AP4M1: variants seen among roughly 807,000 people sequenced by gnomAD.
AP4M1 encodes AP-4 complex subunit mu-1.
In AP4M1, 58 loss-of-function variants were observed where a neutral mutation model predicts 62.4. The observed-to-expected ratio is 0.93, with a 90% CI of 0.75 to 1.16. The LOEUF is 1.16. AP4M1 is among the 50% of genes most tolerant of loss of function. The pLI, the probability that AP4M1 is intolerant of heterozygous loss-of-function variation, is 0.00. For missense variants in AP4M1, 626 were observed against 585.4 expected, an observed-to-expected ratio of 1.07 and a Z score of -0.72; for synonymous variants, 290 against 239.7, an observed-to-expected ratio of 1.21 and a Z score of -1.94.
At position 100,107,290 on chromosome 7, in the gene AP4M1, T is replaced by G. The variant is rs1796615268; in HGVS notation, c.*408T>G. ...GAGCCGGAGTTGGGCTGGGAGCCATTGGCTTTTGGAGTCCCTGGAGCTGGA... is the reference window on the plus strand; with the variant it reads ...GAGCCGGAGTTGGGCTGGGAGCCATGGGCTTTTGGAGTCCCTGGAGCTGGA... On this transcript the variant is annotated 3_prime_UTR_variant, in exon 15 of 15. Coordinates refer to ENST00000359593, the MANE Select transcript of AP4M1 (RefSeq NM_004722.4). 6.6e-7 allele frequency: 1 copy of G among 1,524,088 alleles called. No individual in the cohort carries two copies. The highest frequency in any genetic ancestry group is 1.4e-5 in the African/African-American group (1 of 71,802). The allele number at this position is 1,524,088 out of a possible 1,614,324, so 94.4% of individuals were successfully genotyped here.
Position 100,108,421 on chromosome 7 carries a change from G to T in AP4M1, c.*1539G>T. Reference sequence around the variant, plus strand: ...CCTGCTGAGCCTGCAGAGCAGCCTGGGCCCGAGCCTTGACCACCTGGGAGC... The same window carrying T: ...CCTGCTGAGCCTGCAGAGCAGCCTGTGCCCGAGCCTTGACCACCTGGGAGC... On this transcript the variant is annotated 3_prime_UTR_variant, in exon 15 of 15. Coordinates refer to ENST00000359593, the MANE Select transcript of AP4M1 (RefSeq NM_004722.4). 6.2e-7 allele frequency: 1 copy of T among 1,613,804 alleles called. No individual in the cohort carries two copies. The highest frequency in any genetic ancestry group is 8.5e-7 in the Non-Finnish European group (1 of 1,179,772).
At position 100,107,237 on chromosome 7, in the gene AP4M1, GGT is replaced by G; in HGVS notation, c.*357_*358del. On this transcript the variant is annotated 3_prime_UTR_variant, in exon 15 of 15. Transcript: ENST00000359593. ...ATGTGTGGGAATCCGGGGGCTGGCAGGTGGAGCATCACGGAGCAGGCTGAGGG... is the reference window on the plus strand; with the variant it reads ...ATGTGTGGGAATCCGGGGGCTGGCAGGGAGCATCACGGAGCAGGCTGAGGG... 1 of 1,521,628 alleles carries G rather than the reference GGT, an allele frequency of 6.6e-7. No individual in the cohort carries two copies. The highest frequency in any genetic ancestry group is 8.8e-7 in the Non-Finnish European group (1 of 1,138,120). The allele number at this position is 1,521,628 out of a possible 1,614,324, so 94.3% of individuals were successfully genotyped here. A position where few individuals can be genotyped will look rare whatever the true frequency, so the allele number is the denominator to read the frequency against.
intron 6 of AP4M1, among the ~76,000 whole-genome samples, 160 bp from the exon 7 acceptor site, chr7:100,103,932 C>T (rs945462910): frequency 1.3e-5 from 2 of 151,286 alleles, no homozygotes; most frequent in Admixed American, 6.6e-5. Flanking sequence ...ACATCTCCCA[C>T]CCCCCCAGAT....
At chr7:100,101,150 T>C, upstream of AP4M1, 1 of 1,354,100 alleles carries the variant, frequency 7.4e-7, no homozygotes, top group Admixed American at 1.8e-5. Flanking sequence ...GCCTCTGGCC[T>C]CGCGCACCCC....
At chr7:100,102,988 C>T (rs372547688) in intron 4 of AP4M1, 28 bp downstream of exon 4, 1 of 1,591,946 alleles carries the variant, frequency 6.3e-7, no homozygotes, top group Non-Finnish European at 8.6e-7. Flanking sequence ...CCTTCTGTGG[C>T]CCCTACCCAA....
At chr7:100,101,325 C>G, upstream of AP4M1, 1 of 1,612,832 alleles carries the variant, frequency 6.2e-7, no homozygotes, top group Non-Finnish European at 8.5e-7. Flanking sequence ...CCGCGCTTGG[C>G]GGGCTCAGAG....
intron 7 of AP4M1, 97 bp downstream of exon 7, chr7:100,104,251 C>G: frequency 9.5e-7 from 1 of 1,051,936 alleles, no homozygotes; most frequent in South Asian, 1.3e-5. Context: ...GGCACAGTGG[C>G]TCATGCTTGT....
rs762200720 is a variant in AP4M1, at chr7:100,102,726, G to T, written c.199G>T (p.Val67Leu). 6.2e-7 allele frequency: 1 copy of T among 1,614,122 alleles called. No homozygotes were observed. The highest frequency in any genetic ancestry group is 8.5e-7 in the Non-Finnish European group (1 of 1,180,038). The stretch of plus-strand genomic sequence containing the variant: ...CATCAGACACAGCGGCCTCTATTTG[G>T]TGGTCACAACTTCAGAAAACGTTTC... ...IHIRHSGLYL[V>L]VTTSENVSPF... Residue 67 changes from valine to leucine, a missense_variant, in exon 3 of 15, where the codon GTG becomes TTG. Transcript: ENST00000359593.
upstream of AP4M1, chr7:100,101,080 G>A: frequency 2.7e-6 from 2 of 749,490 alleles, no homozygotes; most frequent in East Asian, 2.8e-5. Flanking sequence ...CTTCAACATC[G>A]ATGGCCCCCC....
chr7:100,108,578 G>T lies in AP4M1; in HGVS notation c.*1696G>T. The T allele has an allele frequency of 6.4e-7, 1 of 1,559,846 alleles. No individual in the cohort carries two copies. ...AAAAAAGCCAGGTAGAGGGAGGGCT[G>T]GGGAAAAAAGCCAGGTAGAGGGAGG... On this transcript the variant is annotated 3_prime_UTR_variant, in exon 15 of 15. Transcript: ENST00000359593.
intron 7 of AP4M1, 56 bp downstream of exon 7, chr7:100,104,210 G>C: frequency 6.6e-7 from 1 of 1,514,474 alleles, no homozygotes; most frequent in Non-Finnish European, 9.2e-7. Flanking sequence ...GGGAAACATG[G>C]TGGGGTGGCT....
In AP4M1 at chr7:100,103,941, A is replaced by T. The variant is rs1584511658; in HGVS notation, c.544-151A>T. 3.2e-5 allele frequency: 24 copies of T among 747,966 alleles called. No individual in the cohort carries two copies. The East Asian group carries it at 6.7e-4, about 21-fold the overall frequency. 46.3% of individuals were successfully genotyped at this position (747,966 alleles called of 1,614,324 possible). On this transcript the variant is annotated intron_variant, in intron 6 of 14. Transcript: ENST00000359593. ...CTTGGCACATCTCCCACCCCCCCAG[A>T]TGTGGGTGGAGGTGGGAGATGATCC... is the stretch of plus-strand genomic sequence containing the variant.
At chr7:100,101,436 C>G (rs991682999), upstream of AP4M1, 3 of 1,150,306 alleles carry the variant, frequency 2.6e-6, no homozygotes, top group African/African-American at 4.5e-5. Context: ...GGCGCCACTG[C>G]GTGCGGGCCA....
In AP4M1 at chr7:100,108,042, C is replaced by T. The variant is rs374442273; in HGVS notation, c.*1160C>T. ...GACACCAGTGTCTGGACAGGAAGTG[C>T]GATGGAGCCAGGAACCTTCAGCAAG... On this transcript the variant is annotated 3_prime_UTR_variant, in exon 15 of 15. Coordinates refer to ENST00000359593, the MANE Select transcript of AP4M1 (RefSeq NM_004722.4). 38 of 1,613,342 alleles carry T rather than the reference C, an allele frequency of 2.4e-5. No individual in the cohort carries two copies. The highest frequency in any genetic ancestry group is 1.1e-4 in the African/African-American group (8 of 74,882).
Position 100,106,813 on chromosome 7 carries a change from C to A in AP4M1, c.1293C>A (p.Cys431Ter). ...TCCTCAGGCTGGCCTTCAGGCCATG[C>A]GGCAATGCCAACCCCCACAAGTGGG... ...VRFLRLAFRP[C>*]GNANPHKWVR... is the part of the protein sequence containing the mutation. The change falls in exon 15 of 15, where the codon TGC (cysteine) becomes TGA (stop). Residue 431 changes from cysteine to a stop codon, truncating the protein, a stop_gained. Coordinates refer to ENST00000359593, the MANE Select transcript of AP4M1 (RefSeq NM_004722.4). LOFTEE classifies it high-confidence loss of function. The A allele has an allele frequency of 6.2e-7, 1 of 1,614,032 alleles. No individual in the cohort carries two copies. Among genetic ancestry groups the A allele is most frequent in the Non-Finnish European group, 8.5e-7 (1 of 1,180,048 alleles).
In AP4M1 at chr7:100,108,300, A is replaced by T. The variant is rs1796777509; in HGVS notation, c.*1418A>T. ...CTGAGGGCACATGTGGCTGTGTGCA[A>T]GTGCCTGTCCCACACAGGGGTTCTC... On this transcript the variant is annotated 3_prime_UTR_variant, in exon 15 of 15. Transcript: ENST00000359593. 1 of 1,527,458 alleles carries T rather than the reference A, an allele frequency of 6.5e-7. No individual in the cohort carries two copies. The highest frequency in any genetic ancestry group is 2.3e-5 in the East Asian group (1 of 43,764). 94.6% of individuals were successfully genotyped at this position (1,527,458 alleles called of 1,614,324 possible). A position where few individuals can be genotyped will look rare whatever the true frequency, so the allele number is the denominator to read the frequency against.
upstream of AP4M1, chr7:100,101,345 C>T (rs1796017893): frequency 3.7e-6 from 6 of 1,610,840 alleles, no homozygotes; most frequent in Non-Finnish European, 4.2e-6. Flanking sequence ...GGTCTTGCTC[C>T]TGGGGAAGCT....
In AP4M1 at chr7:100,107,347, C is replaced by T. The variant is rs199843455; in HGVS notation, c.*465C>T. ...CTGTCCCCAGCCTCCTGCTTCCCCC[C>T]ACAAAGGGCACTGCCGCTGAGTGGG... On this transcript the variant is annotated 3_prime_UTR_variant, in exon 15 of 15. Transcript: ENST00000359593. 14 of 1,553,050 alleles carry T rather than the reference C, an allele frequency of 9.0e-6. No individual in the cohort carries two copies. Among genetic ancestry groups the T allele is most frequent in the South Asian group, 4.9e-5 (4 of 81,908 alleles).
rs902314916 is a variant in AP4M1 at position 100,107,180 on chromosome 7, A to G, written c.*298A>G. 6.6e-6 allele frequency: 10 copies of G among 1,517,950 alleles called. No individual in the cohort carries two copies. Among genetic ancestry groups the G allele is most frequent in the Non-Finnish European group, 8.8e-6 (10 of 1,135,700 alleles). The allele number at this position is 1,517,950 out of a possible 1,614,324, so 94.0% of individuals were successfully genotyped here. A position where few individuals can be genotyped will look rare whatever the true frequency, so the allele number is the denominator to read the frequency against. On this transcript the variant is annotated 3_prime_UTR_variant, in exon 15 of 15. Coordinates refer to ENST00000359593, the MANE Select transcript of AP4M1 (RefSeq NM_004722.4). Reference sequence around the variant, plus strand: ...ACTTCCTTCCGCTTAGCGAGCATGCATGTGTGTACGTGCACGTGTGTACAT... The same window carrying G: ...ACTTCCTTCCGCTTAGCGAGCATGCGTGTGTGTACGTGCACGTGTGTACAT...
Sources: allele counts gnomAD v4.1 joint callset (sites outside exome capture counted in the v4.1 genomes callset), GRCh38; gene constraint gnomAD v4.1.1; transcripts MANE v1.5; gene names NCBI Gene and HGNC (gene_info 2026-07-23, HGNC 2026-07-21).